Variants in COG5 observed in about 807,000 individuals in gnomAD.
COG5 encodes component of oligomeric golgi complex 5.
A neutral mutation model predicts 110.4 loss-of-function variants in COG5; 86 were observed. The observed-to-expected ratio is 0.78, with a 90% CI of 0.65 to 0.93. COG5 has a LOEUF of 0.93. Ranked by LOEUF, COG5 falls within the 40% of genes least tolerant of loss-of-function variation. COG5 has a pLI of 0.00. For missense variants in COG5, 1,077 were observed against 987.0 expected, an observed-to-expected ratio of 1.09 and a Z score of -1.22; for synonymous variants, 360 against 334.6, an observed-to-expected ratio of 1.08 and a Z score of -0.83.
rs1298303308 is a variant in COG5, at chr7:107,202,713, G to T, written c.*803C>A. 6.6e-6 allele frequency: 1 copy of T among 152,074 alleles called. No homozygotes were observed. Among genetic ancestry groups the T allele is most frequent in the Admixed American group, 6.6e-5 (1 of 15,260 alleles). 9.4% of individuals were successfully genotyped at this position (152,074 alleles called of 1,614,324 possible). On this transcript the variant is annotated 3_prime_UTR_variant, in exon 22 of 22. Coordinates refer to ENST00000297135, the MANE Select transcript of COG5 (RefSeq NM_006348.5). ...GTTAATAGTGGAACAAGAGCCATCA[G>T]AAAATAAGGACTTAGATTATCTACT...
intron 14 of COG5, among the ~76,000 whole-genome samples, chr7:107,260,219 C>T (rs76167266): frequency 0.16 from 24,173 of 151,612 alleles, 2,321 homozygotes; most frequent in Non-Finnish European, 0.21. Context: ...AGAATATCCA[C>T]GCAATGGAAC....
At chr7:107,281,469 A>C in intron 13 of COG5, 70 bp from the exon 14 acceptor site, 1 of 1,127,578 alleles carries the variant, frequency 8.9e-7, no homozygotes, top group Non-Finnish European at 1.3e-6. Flanking sequence ...AGCAAGATAA[A>C]AACTCAAACC....
intron 19 of COG5, among the ~76,000 whole-genome samples, chr7:107,228,411 A>C (rs1262682821): frequency 6.6e-6 from 1 of 151,894 alleles, no homozygotes; most frequent in Non-Finnish European, 1.5e-5. Context: ...CCAGTATGTT[A>C]ACTGACTCAG....
intron 21 of COG5, chr7:107,208,796 T>C (rs1798951246): frequency 1.0e-6 from 1 of 985,346 alleles, no homozygotes; most frequent in African/African-American, 1.7e-5. Flanking sequence ...GGGATGTGGG[T>C]ACCAAGCTTG....
chr7:107,508,346 T>C (rs530745623), intron 6 of COG5, among the ~76,000 whole-genome samples: 1 of 152,326 alleles, frequency 6.6e-6, no homozygotes, highest in South Asian at 2.1e-4. Context: ...GCGCCTGCCA[T>C]TGCCCAGGCT....
chr7:107,488,267 A>G (rs1280560208), intron 6 of COG5, among the ~76,000 whole-genome samples: 1 of 151,666 alleles, frequency 6.6e-6, no homozygotes, highest in Non-Finnish European at 1.5e-5. Flanking sequence ...GTGTAAAATT[A>G]TATTATTAAA....
At chr7:107,363,545 G>GT (rs1210589299) in intron 8 of COG5, among the ~76,000 whole-genome samples, 20 of 152,068 alleles carry the variant, frequency 1.3e-4, no homozygotes, top group Non-Finnish European at 2.9e-4. Context: ...TTACAAAAGA[G>GT]TATCAGCTAA....
At chr7:107,403,567 T>G (rs1468433618) in intron 7 of COG5, among the ~76,000 whole-genome samples, 1 of 150,940 alleles carries the variant, frequency 6.6e-6, no homozygotes, top group Non-Finnish European at 1.5e-5. Context: ...GGCCCCGGTG[T>G]GTGATGTTCC....
At chr7:107,471,173 T>C (rs1796611402) in intron 6 of COG5, among the ~76,000 whole-genome samples, 1 of 152,072 alleles carries the variant, frequency 6.6e-6, no homozygotes, top group Non-Finnish European at 1.5e-5. Context: ...TTAAATAACA[T>C]AATATATACA....
At chr7:107,298,435 C>T in intron 11 of COG5, 89 bp from the exon 12 acceptor site, 1 of 1,063,640 alleles carries the variant, frequency 9.4e-7, no homozygotes. Context: ...CCAAATAACC[C>T]ATACTATAGG....
chr7:107,264,874 G>A (rs1803674234), intron 14 of COG5, among the ~76,000 whole-genome samples: 1 of 152,016 alleles, frequency 6.6e-6, no homozygotes, highest in Admixed American at 6.6e-5. Flanking sequence ...ACAATGAAAG[G>A]AGCTAAAGTG....
intron 6 of COG5, among the ~76,000 whole-genome samples, chr7:107,526,835 C>T (rs1800791502): frequency 6.6e-6 from 1 of 152,004 alleles, no homozygotes; most frequent in African/African-American, 2.4e-5. Context: ...CTCAAAAAGA[C>T]AAAACTACAA....
chr7:107,511,287 C>A (rs1336279592), intron 6 of COG5, among the ~76,000 whole-genome samples: 12 of 152,088 alleles, frequency 7.9e-5, no homozygotes, highest in Admixed American at 2.6e-4. Flanking sequence ...ATAAACTAGA[C>A]AATCTAGAAG....
intron 5 of COG5, among the ~76,000 whole-genome samples, chr7:107,540,924 G>A (rs1353065790): frequency 3.3e-5 from 5 of 152,130 alleles, no homozygotes; most frequent in Non-Finnish European, 7.3e-5. Context: ...GCTGAGGCAG[G>A]CGGATCACCT....
rs1228777798 is a variant in COG5, at chr7:107,283,594, A to C, written c.1452T>G (p.Asp484Glu). The change falls in exon 13 of 22, where the codon GAT becomes GAG. Residue 484 changes from aspartate to glutamate, a missense_variant. Physicochemically the swap from Asp to Glu is conservative, Grantham distance 45. Coordinates refer to ENST00000297135, the MANE Select transcript of COG5 (RefSeq NM_006348.5). ...GRNPPSSDEL[D>E]GIIKTIASEL... ...ACCTTGCTATAGTTTTAATAATACC[A>C]TCAAGTTCATCAGAGGAAGGAGGAT... is the stretch of plus-strand genomic sequence containing the variant. 1 of 1,614,004 alleles carries C rather than the reference A, an allele frequency of 6.2e-7. No homozygotes were observed. Among genetic ancestry groups the C allele is most frequent in the Middle Eastern group, 1.7e-4 (1 of 6,060 alleles).
At chr7:107,312,206 A>G (rs1416379833) in intron 11 of COG5, among the ~76,000 whole-genome samples, 1 of 152,094 alleles carries the variant, frequency 6.6e-6, no homozygotes, top group Non-Finnish European at 1.5e-5. Flanking sequence ...GATTATTTTG[A>G]TTTTTACAGT....
chr7:107,282,931 G>A (rs953734632), intron 13 of COG5, among the ~76,000 whole-genome samples: 1 of 152,196 alleles, frequency 6.6e-6, no homozygotes, highest in Non-Finnish European at 1.5e-5. Flanking sequence ...CATCTCAAAT[G>A]TACAGATCTA....
At chr7:107,416,521 A>C (rs2129070356) in intron 6 of COG5, among the ~76,000 whole-genome samples, 1 of 152,290 alleles carries the variant, frequency 6.6e-6, no homozygotes, top group African/African-American at 2.4e-5. Context: ...CGTTATTCTA[A>C]TACACTAATT....
chr7:107,509,474 G>T (rs1042956419), intron 6 of COG5, among the ~76,000 whole-genome samples: 1 of 152,208 alleles, frequency 6.6e-6, no homozygotes, highest in South Asian at 2.1e-4. Flanking sequence ...AAAACACTCT[G>T]CAGGATATTA....
Sources: allele counts gnomAD v4.1 joint callset (sites outside exome capture counted in the v4.1 genomes callset), GRCh38; gene constraint gnomAD v4.1.1; transcripts MANE v1.5; gene names NCBI Gene and HGNC (gene_info 2026-07-23, HGNC 2026-07-21).